NEK11: variants seen among roughly 807,000 people sequenced by gnomAD.
NEK11 encodes NIMA related kinase 11, also known as serine/threonine-protein kinase Nek11.
A neutral mutation model predicts 80.7 loss-of-function variants in NEK11; 72 were observed. That is an observed-to-expected ratio of 0.89 (90% CI 0.74 to 1.08). The LOEUF is 1.08. Ranked by LOEUF, NEK11 falls within the 50% of genes least tolerant of loss-of-function variation. The pLI is 0.00. For synonymous variants in NEK11, 251 were observed against 260.7 expected (o/e 0.96, Z 0.36); for missense variants, 764 against 763.6 (o/e 1.00, Z -0.01).
intron 17 of NEK11, among the ~76,000 whole-genome samples, chr3:131,347,655 C>A (rs1300784119): frequency 6.6e-6 from 1 of 152,174 alleles, no homozygotes; most frequent in Admixed American, 6.5e-5. Context: ...CACGGTGGCT[C>A]ACACCTGTAA....
At chr3:131,116,974 A>C (rs961581134) in intron 5 of NEK11, among the ~76,000 whole-genome samples, 2 of 152,052 alleles carry the variant, frequency 1.3e-5, no homozygotes, top group Admixed American at 6.5e-5. Context: ...GAAGCTCTTT[A>C]GTTTAATTAG....
chr3:131,141,423 G>A (rs375783617), intron 7 of NEK11, among the ~76,000 whole-genome samples: 3 of 152,262 alleles, frequency 2.0e-5, no homozygotes, highest in East Asian at 3.9e-4. Context: ...ATGACCAAAA[G>A]TGAGGGGTGC....
intron 15 of NEK11, among the ~76,000 whole-genome samples, chr3:131,236,452 A>G (rs2095432668): frequency 6.6e-6 from 1 of 152,206 alleles, no homozygotes; most frequent in Non-Finnish European, 1.5e-5. Context: ...ATACCTATGA[A>G]TGTCTTTGAA....
chr3:131,083,118 G>A (rs1298075800), intron 4 of NEK11, among the ~76,000 whole-genome samples: 1 of 152,150 alleles, frequency 6.6e-6, no homozygotes, highest in Non-Finnish European at 1.5e-5. Flanking sequence ...CTGGGGGTGG[G>A]GTTCTGGCAA....
At chr3:131,122,887 C>T (rs940158446) in intron 5 of NEK11, among the ~76,000 whole-genome samples, 14 of 152,142 alleles carry the variant, frequency 9.2e-5, no homozygotes, top group South Asian at 8.3e-4. Flanking sequence ...GAACCAGAAA[C>T]TGTCAGCAAA....
chr3:131,301,340 C>T (rs879466749), intron 17 of NEK11, among the ~76,000 whole-genome samples: 4 of 152,014 alleles, frequency 2.6e-5, no homozygotes, highest in Non-Finnish European at 5.9e-5. Context: ...AGTTTGATTT[C>T]TTCTCCTATT....
At chr3:131,113,198 T>A (rs2080414025) in intron 5 of NEK11, among the ~76,000 whole-genome samples, 1 of 152,010 alleles carries the variant, frequency 6.6e-6, no homozygotes, top group Non-Finnish European at 1.5e-5. Flanking sequence ...CCTGGATGAA[T>A]GAGAAATTGG....
At chr3:131,097,122 T>A (rs1189387375) in intron 4 of NEK11, among the ~76,000 whole-genome samples, 1 of 151,816 alleles carries the variant, frequency 6.6e-6, no homozygotes, top group African/African-American at 2.4e-5. Flanking sequence ...ATTTTCTTAA[T>A]CCAGTCTATC....
Position 131,276,475 on chromosome 3 carries a change from C to A in NEK11, c.1718+2901C>A, listed in dbSNP as rs544467587. On this transcript the variant is annotated intron_variant, in intron 17 of 17. Transcript: ENST00000383366. Reference sequence around the variant, plus strand: ...GTAACCCCAAGTCAATCAGACATTGCATGTGGGCCACTCTGGGAAGGGGCC... The same window carrying A: ...GTAACCCCAAGTCAATCAGACATTGAATGTGGGCCACTCTGGGAAGGGGCC... Among the ~76,000 whole-genome samples the A allele has an allele frequency of 5.3e-5, 8 of 152,266 alleles. No individual in the cohort carries two copies. In the South Asian group the frequency reaches 1.5e-3, roughly 28 times the overall value.
chr3:131,147,601 CT>C (rs1157821585), intron 7 of NEK11, among the ~76,000 whole-genome samples: 4 of 151,944 alleles, frequency 2.6e-5, no homozygotes, highest in African/African-American at 9.7e-5. Context: ...TTAGAATCTG[CT>C]TTTCAGTTCC....
chr3:131,152,703 G>T lies in NEK11; in HGVS notation c.870G>T (p.Gln290His), dbSNP rs1487384857. The T allele has an allele frequency of 6.2e-7, 1 of 1,605,486 alleles. No homozygotes were observed. The highest frequency in any genetic ancestry group is 1.3e-5 in the African/African-American group (1 of 74,824). The change falls in exon 9 of 18, where the codon CAG (glutamine) becomes CAT (histidine). Residue 290 changes from glutamine (Q) to histidine (H), a missense_variant. Transcript: ENST00000383366. ...TAAAAATCCCTTACCTTGATGAGCA[G>T]CTACAGGTATTTAAAATGAAAGGGA... ...EILKIPYLDEQLQNLMCRYSE... is the reference protein window; with the variant it reads ...EILKIPYLDEHLQNLMCRYSE...
chr3:131,247,703 C>T (rs1292531512), intron 16 of NEK11, among the ~76,000 whole-genome samples: 2 of 151,584 alleles, frequency 1.3e-5, no homozygotes, highest in African/African-American at 2.4e-5. Context: ...AAGTCATTTT[C>T]ACAATGTTGA....
intron 14 of NEK11, among the ~76,000 whole-genome samples, chr3:131,199,611 C>T (rs1462487054): frequency 2.0e-5 from 3 of 150,946 alleles, no homozygotes; most frequent in African/African-American, 7.3e-5. Context: ...TTTTAAGTCC[C>T]TAACCTCTTG....
chr3:131,084,226 T>A (rs1416000972), intron 4 of NEK11, among the ~76,000 whole-genome samples: 2 of 152,240 alleles, frequency 1.3e-5, no homozygotes, highest in African/African-American at 4.8e-5. Flanking sequence ...CATGTCAGAT[T>A]CTCAGCATGT....
At chr3:131,303,697 T>C (rs182143920) in intron 17 of NEK11, among the ~76,000 whole-genome samples, 1 of 152,306 alleles carries the variant, frequency 6.6e-6, no homozygotes, top group Admixed American at 6.5e-5. Flanking sequence ...TTCTGGCTTG[T>C]AGAATTTCTG....
At chr3:131,296,627 G>A (rs892490223) in intron 17 of NEK11, among the ~76,000 whole-genome samples, 13 of 151,914 alleles carry the variant, frequency 8.6e-5, no homozygotes, top group African/African-American at 2.2e-4. Flanking sequence ...TATTTCACAC[G>A]ACTTTCATTT....
chr3:131,096,742 A>G (rs1172141033), intron 4 of NEK11, among the ~76,000 whole-genome samples: 2 of 151,498 alleles, frequency 1.3e-5, no homozygotes, highest in Admixed American at 1.3e-4. Context: ...TTATTTTATT[A>G]TTATTGTTAT....
At chr3:131,313,925 GT>G (rs1343810141) in intron 17 of NEK11, among the ~76,000 whole-genome samples, 1 of 152,136 alleles carries the variant, frequency 6.6e-6, no homozygotes. Context: ...CATTTAAAAG[GT>G]TTTCAAGTTA....
At chr3:131,177,006 G>T (rs942774664) in intron 14 of NEK11, among the ~76,000 whole-genome samples, 13 of 152,144 alleles carry the variant, frequency 8.5e-5, no homozygotes, top group African/African-American at 2.4e-4. Flanking sequence ...TAGCTTTAAG[G>T]TTGGATAGAA....
Sources: allele counts gnomAD v4.1 joint callset (sites outside exome capture counted in the v4.1 genomes callset), GRCh38; gene constraint gnomAD v4.1.1; transcripts MANE v1.5; gene names NCBI Gene and HGNC (gene_info 2026-07-23, HGNC 2026-07-21).